ECT2L: variants seen among roughly 807,000 people sequenced by gnomAD.
ECT2L encodes the protein epithelial cell-transforming sequence 2 oncogene-like.
ECT2L carries 126 observed loss-of-function variants against 122.8 expected under a neutral mutation model. The ratio of observed to expected loss-of-function variants is 1.03; its 90% CI spans 0.89 to 1.19. ECT2L has a LOEUF of 1.19. Among genes scored for constraint, ECT2L ranks in the 50% most tolerant of loss-of-function variants. The pLI is 0.00. For synonymous variants in ECT2L, 385 were observed against 381.8 expected (o/e 1.01, Z -0.10); for missense variants, 1,012 against 1,064.1 (o/e 0.95, Z 0.68).
rs192918017 is a variant in ECT2L, at chr6:138,842,588, G to T, written c.343-391G>T. 2.3e-3 allele frequency among the ~76,000 whole-genome samples: 348 copies of T among 152,218 alleles called. 2 individuals carry two copies. Among genetic ancestry groups the T allele is most frequent in the Non-Finnish European group, 4.0e-3 (273 of 68,006 alleles). ...AGATGGAGACCATCCTGGCTAACAC[G>T]GTGAAACCTCGTCTCTACTAAAAAA... On this transcript the variant is annotated intron_variant, in intron 5 of 21. Transcript: ENST00000541398.
chr6:138,798,425 G>A (rs1010047741), intron 1 of ECT2L, among the ~76,000 whole-genome samples: 1 of 151,990 alleles, frequency 6.6e-6, no homozygotes, highest in Non-Finnish European at 1.5e-5. Context: ...AAGGGATTTC[G>A]GAGCTCTGTG....
intron 4 of ECT2L, among the ~76,000 whole-genome samples, chr6:138,818,998 C>G (rs1245759528): frequency 6.6e-6 from 1 of 152,092 alleles, no homozygotes; most frequent in Non-Finnish European, 1.5e-5. Flanking sequence ...AGCAGAGAAT[C>G]TTTGTCAGAG....
At chr6:138,878,458 G>GT (rs1562488449) in intron 14 of ECT2L, among the ~76,000 whole-genome samples, 1 of 151,930 alleles carries the variant, frequency 6.6e-6, no homozygotes, top group East Asian at 1.9e-4. Flanking sequence ...TTTTGTTTTT[G>GT]TTTTTTGAGA....
chr6:138,858,714 T>C (rs1422893120), intron 10 of ECT2L, among the ~76,000 whole-genome samples: 2 of 141,072 alleles, frequency 1.4e-5, no homozygotes, highest in Admixed American at 7.1e-5. Flanking sequence ...TTTTTTTTTT[T>C]TTTTTTTTTT....
chr6:138,854,430 A>G (rs1777549043), intron 10 of ECT2L, among the ~76,000 whole-genome samples: 1 of 152,156 alleles, frequency 6.6e-6, no homozygotes, highest in Middle Eastern at 3.2e-3. Flanking sequence ...ACCAGTATCC[A>G]GGATATAAGG....
intron 4 of ECT2L, among the ~76,000 whole-genome samples, chr6:138,815,540 T>G (rs1408375984): frequency 6.6e-6 from 1 of 152,148 alleles, no homozygotes; most frequent in Non-Finnish European, 1.5e-5. Context: ...AGGCCAACAA[T>G]GAGGGTAAAA....
At chr6:138,820,220 G>A (rs1158528355) in intron 4 of ECT2L, among the ~76,000 whole-genome samples, 1 of 152,208 alleles carries the variant, frequency 6.6e-6, no homozygotes, top group Non-Finnish European at 1.5e-5. Context: ...CCCCTGGATG[G>A]TGTCTGCTTT....
chr6:138,842,945 C>A, intron 5 of ECT2L, 34 bp from the exon 6 acceptor site: 1 of 1,428,934 alleles, frequency 7.0e-7, no homozygotes, highest in Non-Finnish European at 9.3e-7. Context: ...TGTCTGAAAA[C>A]AATTTGTGAC....
intron 4 of ECT2L, among the ~76,000 whole-genome samples, chr6:138,831,393 T>C (rs929872705): frequency 3.3e-5 from 5 of 152,228 alleles, no homozygotes; most frequent in Admixed American, 1.3e-4. Flanking sequence ...TGCAGGGATA[T>C]GGCTCTAACC....
At chr6:138,816,643 C>A (rs1776077002) in intron 4 of ECT2L, among the ~76,000 whole-genome samples, 1 of 152,084 alleles carries the variant, frequency 6.6e-6, no homozygotes, top group Admixed American at 6.6e-5. Flanking sequence ...CACCACCACG[C>A]CCAGCTACTT....
rs756798057 is a variant in ECT2L at position 138,886,849 on chromosome 6, T to C, written c.2260-8T>C. 1.1e-5 allele frequency: 18 copies of C among 1,611,318 alleles called. 1 individual carries two copies. Among genetic ancestry groups the C allele is most frequent in the South Asian group, 4.4e-5 (4 of 90,736 alleles). ...TTAGTTTGCCTAAAAGTACTTTTTTTCCCCTAGATGAAGCAAAACATCACT... is the reference window on the plus strand; with the variant it reads ...TTAGTTTGCCTAAAAGTACTTTTTTCCCCCTAGATGAAGCAAAACATCACT... On this transcript the variant is annotated splice_polypyrimidine_tract_variant and splice_region_variant and intron_variant, in intron 18 of 21. Coordinates refer to ENST00000541398, the MANE Select transcript of ECT2L (RefSeq NM_001077706.3).
At chr6:138,885,018 C>T (rs888610965) in intron 16 of ECT2L, among the ~76,000 whole-genome samples, 2 of 143,280 alleles carry the variant, frequency 1.4e-5, no homozygotes, top group African/African-American at 5.2e-5. Context: ...AATTAACACA[C>T]ATTCTTTTTT....
intron 4 of ECT2L, among the ~76,000 whole-genome samples, chr6:138,825,308 G>A (rs538977747): frequency 4.6e-5 from 7 of 152,304 alleles, no homozygotes; most frequent in South Asian, 2.1e-4. Flanking sequence ...TGCCGAGCGC[G>A]GTGGCTCATG....
intron 21 of ECT2L, 86 bp downstream of exon 21, chr6:138,901,206 C>T: frequency 7.4e-7 from 1 of 1,356,114 alleles, no homozygotes; most frequent in South Asian, 1.4e-5. Context: ...AGAAAAAGGA[C>T]TGGAATTATA....
rs150264330 is a variant in ECT2L at position 138,825,496 on chromosome 6, T to A, written c.179+10893T>A. The stretch of plus-strand genomic sequence containing the variant: ...TGCTGGAGAGGCTGAGGCAGGAGAT[T>A]CACTTGAACACAGGAGGCAGAGGTC... On this transcript the variant is annotated intron_variant, in intron 4 of 21. Transcript: ENST00000541398. Among the ~76,000 whole-genome samples, 288 of 152,134 alleles carry A rather than the reference T, an allele frequency of 1.9e-3. 1 individual carries two copies. The Middle Eastern group carries it at 0.02, about 11-fold the overall frequency.
At chr6:138,900,360 C>A (rs1779358052) in intron 20 of ECT2L, among the ~76,000 whole-genome samples, 1 of 152,080 alleles carries the variant, frequency 6.6e-6, no homozygotes, top group African/African-American at 2.4e-5. Flanking sequence ...GATTCTCCTG[C>A]CTCAGCCTCC....
chr6:138,802,710 G>A (rs1237926950), intron 1 of ECT2L, among the ~76,000 whole-genome samples: 1 of 152,182 alleles, frequency 6.6e-6, no homozygotes, highest in Non-Finnish European at 1.5e-5. Context: ...CATTAAAGAA[G>A]TAGTAATTGC....
intron 13 of ECT2L, among the ~76,000 whole-genome samples, chr6:138,869,492 T>C (rs1310270856): frequency 1.3e-5 from 2 of 152,180 alleles, no homozygotes; most frequent in African/African-American, 4.8e-5. Context: ...CTGCATTAGC[T>C]GTAGTTTGTC....
At chr6:138,806,099 C>T (rs768721471) in intron 1 of ECT2L, among the ~76,000 whole-genome samples, 2 of 152,184 alleles carry the variant, frequency 1.3e-5, no homozygotes, top group Non-Finnish European at 2.9e-5. Flanking sequence ...TTGTGATCTC[C>T]GTCAGGTCCA....
Sources: gnomAD v4.1 joint callset for allele counts (sites outside exome capture counted in the v4.1 genomes callset) on GRCh38, gnomAD v4.1.1 for gene constraint, MANE v1.5 for transcripts, NCBI Gene and HGNC (gene_info 2026-07-23, HGNC 2026-07-21) for gene names.